The following PELI2 variants were observed in gnomAD, a reference collection of about 807,000 sequenced individuals.
PELI2 encodes E3 ubiquitin-protein ligase pellino homolog 2.
In PELI2, 23 loss-of-function variants were observed where a neutral mutation model predicts 42.3. The ratio of observed to expected loss-of-function variants is 0.54; its 90% CI spans 0.39 to 0.77. PELI2 has a LOEUF of 0.77. Among genes scored for constraint, PELI2 ranks in the 30% least tolerant of loss-of-function variants. The pLI, the probability that PELI2 is intolerant of heterozygous loss-of-function variation, is 0.00. For missense variants in PELI2, 463 were observed against 553.2 expected (o/e 0.84, Z 1.64); for synonymous variants, 245 against 212.2 (o/e 1.15, Z -1.34).
At chr14:56,168,183 T>C (rs1195630851) in intron 1 of PELI2, among the ~76,000 whole-genome samples, 1 of 152,160 alleles carries the variant, frequency 6.6e-6, no homozygotes, top group Non-Finnish European at 1.5e-5. Context: ...CTACTGCCTA[T>C]GTTCACTCAA....
intron 1 of PELI2, among the ~76,000 whole-genome samples, chr14:56,177,858 T>C (rs1275378725): frequency 6.6e-6 from 1 of 152,232 alleles, no homozygotes; most frequent in Non-Finnish European, 1.5e-5. Flanking sequence ...AGTAACTAAA[T>C]TGGTTGTCTT....
At chr14:56,145,155 T>C (rs1884069031) in intron 1 of PELI2, among the ~76,000 whole-genome samples, 1 of 152,138 alleles carries the variant, frequency 6.6e-6, no homozygotes, top group African/African-American at 2.4e-5. Context: ...CTTTCAGTCA[T>C]GGCAGAAAGC....
chr14:56,206,387 A>G (rs1410943502), intron 2 of PELI2, among the ~76,000 whole-genome samples: 2 of 152,238 alleles, frequency 1.3e-5, no homozygotes, highest in Non-Finnish European at 2.9e-5. Context: ...TCCCAACTTT[A>G]CAACATTCTC....
At chr14:56,270,932 T>C (rs1323928336) in intron 2 of PELI2, among the ~76,000 whole-genome samples, 1 of 152,178 alleles carries the variant, frequency 6.6e-6, no homozygotes, top group East Asian at 1.9e-4. Flanking sequence ...CTAAAGTACA[T>C]GTAAAGTTTG....
Position 56,288,909 on chromosome 14 carries a change from G to A in PELI2, c.507+275G>A, listed in dbSNP as rs990758120. ...TAACATTGTCCATAATGTATTTACGGCAACGAAGAGGTTTATTTCAGAGAG... is the reference window on the plus strand; with the variant it reads ...TAACATTGTCCATAATGTATTTACGACAACGAAGAGGTTTATTTCAGAGAG... On this transcript the variant is annotated intron_variant, in intron 4 of 5. Coordinates refer to ENST00000267460, the MANE Select transcript of PELI2 (RefSeq NM_021255.3). This position sits in a 1 kb window ranked among gnomAD's most constrained non-coding sequence, Gnocchi z 4.6. Among the ~76,000 whole-genome samples the A allele has an allele frequency of 1.3e-5, 2 of 152,012 alleles. No individual in the cohort carries two copies. Among genetic ancestry groups the A allele is most frequent in the East Asian group, 1.9e-4 (1 of 5,180 alleles).
At chr14:56,195,560 A>G in intron 2 of PELI2, among the ~76,000 whole-genome samples, 1 of 152,206 alleles carries the variant, frequency 6.6e-6, no homozygotes, top group East Asian at 1.9e-4. Flanking sequence ...CCTTTCAGCA[A>G]TTTAGCTAAA....
intron 2 of PELI2, among the ~76,000 whole-genome samples, chr14:56,221,081 G>A (rs1274485437): frequency 6.6e-6 from 1 of 152,134 alleles, no homozygotes; most frequent in Non-Finnish European, 1.5e-5. Context: ...TGCAAAACTG[G>A]CCATGCTTTC....
intron 2 of PELI2, among the ~76,000 whole-genome samples, chr14:56,218,706 T>C (rs1045136199): frequency 6.7e-6 from 1 of 149,752 alleles, no homozygotes; most frequent in Non-Finnish European, 1.5e-5. Context: ...TGTGTGCGTG[T>C]GTGTGTGTGT....
intron 5 of PELI2, among the ~76,000 whole-genome samples, chr14:56,292,080 G>C (rs936882650): frequency 6.6e-6 from 1 of 152,228 alleles, no homozygotes; most frequent in African/African-American, 2.4e-5. Flanking sequence ...ATTGTGTAAT[G>C]ACCCTTCTCA....
intron 1 of PELI2, among the ~76,000 whole-genome samples, chr14:56,143,783 G>T: frequency 6.6e-6 from 1 of 152,210 alleles, no homozygotes; most frequent in Middle Eastern, 3.2e-3. Context: ...GCCCCATTGG[G>T]CACTTCCTTG....
In PELI2 at chr14:56,118,815, GGCTCGGTGCTCTTTGGGGACCGCCGGGGC is replaced by G. The variant is rs1445840203; in HGVS notation, c.77+85_77+113del. 4.0e-6 allele frequency: 4 copies of G among 1,002,088 alleles called. No individual in the cohort carries two copies. In the African/African-American group the frequency reaches 6.8e-5, roughly 17 times the overall value. 62.1% of individuals were successfully genotyped at this position (1,002,088 alleles called of 1,614,324 possible). A position where few individuals can be genotyped will look rare whatever the true frequency, so the allele number is the denominator to read the frequency against. On this transcript the variant is annotated intron_variant, in intron 1 of 5. Transcript: ENST00000267460. ...CATCCTGGAGCGGGGCTGGCGGGGT[GGCTCGGTGCTCTTTGGGGACCGCCGGGGC>G]GCTCGGGGCGGCAGGAGAGGCTCTC...
chr14:56,150,418 T>C (rs1884303424), intron 1 of PELI2, among the ~76,000 whole-genome samples: 1 of 152,216 alleles, frequency 6.6e-6, no homozygotes, highest in East Asian at 1.9e-4. Context: ...ATATGTTTGG[T>C]TTTTTGAAAA....
At chr14:56,235,944 T>C (rs1440996535) in intron 2 of PELI2, among the ~76,000 whole-genome samples, 1 of 152,168 alleles carries the variant, frequency 6.6e-6, no homozygotes, top group Non-Finnish European at 1.5e-5. Flanking sequence ...TCTATGTAAA[T>C]ACAAGGTATC....
intron 5 of PELI2, among the ~76,000 whole-genome samples, chr14:56,295,613 A>C (rs746497248): frequency 1.3e-5 from 2 of 152,248 alleles, no homozygotes; most frequent in Non-Finnish European, 2.9e-5. Context: ...TGCGTACCAG[A>C]CAGTGTTCTC....
chr14:56,127,083 T>C (rs1280841969), intron 1 of PELI2, among the ~76,000 whole-genome samples: 1 of 152,168 alleles, frequency 6.6e-6, no homozygotes, highest in African/African-American at 2.4e-5. Flanking sequence ...AACAAAAGCA[T>C]TTTTGGAGTG....
chr14:56,186,026 A>G (rs543915811), intron 2 of PELI2, among the ~76,000 whole-genome samples: 1 of 152,280 alleles, frequency 6.6e-6, no homozygotes, highest in Non-Finnish European at 1.5e-5. Flanking sequence ...CATGAGACTT[A>G]AAATAGGGAG....
chr14:56,199,074 T>C (rs778320743), intron 2 of PELI2, among the ~76,000 whole-genome samples: 90 of 152,264 alleles, frequency 5.9e-4, no homozygotes, highest in Non-Finnish European at 7.9e-4. Flanking sequence ...TGTTATTTTC[T>C]TAAGTTTTAT....
At chr14:56,278,788 A>G (rs1889382958) in intron 2 of PELI2, among the ~76,000 whole-genome samples, 1 of 152,202 alleles carries the variant, frequency 6.6e-6, no homozygotes, top group South Asian at 2.1e-4. Flanking sequence ...ATCATTCAAT[A>G]AATGTGTAAT....
intron 1 of PELI2, among the ~76,000 whole-genome samples, chr14:56,171,803 G>T (rs188776997): frequency 2.5e-4 from 38 of 152,256 alleles, no homozygotes; most frequent in Admixed American, 1.6e-3. Context: ...ATCACTTGAG[G>T]TCAGGAGTTC....
Sources: gnomAD v4.1 joint callset for allele counts (sites outside exome capture counted in the v4.1 genomes callset) on GRCh38, gnomAD v4.1.1 for gene constraint, Gnocchi (gnomAD v3.1) non-coding constraint, MANE v1.5 for transcripts, NCBI Gene and HGNC (gene_info 2026-07-23, HGNC 2026-07-21) for gene names.